Variants in CASC3 observed in about 807,000 individuals in gnomAD.
CASC3 encodes protein CASC3.
In CASC3, 30 loss-of-function variants were observed where a neutral mutation model predicts 80.5. The observed-to-expected ratio is 0.37, with a 90% CI of 0.28 to 0.51. The LOEUF (loss-of-function observed/expected upper bound fraction) is 0.51. Ranked by LOEUF, CASC3 falls within the 20% of genes least tolerant of loss-of-function variation. The probability of loss-of-function intolerance (pLI) is 0.94; values close to 1 mark genes in which losing one functional copy is unlikely to be tolerated. For synonymous variants in CASC3, 312 were observed against 333.6 expected (o/e 0.94, Z 0.70); for missense variants, 824 against 922.2 (o/e 0.89, Z 1.38).
At chr17:40,163,403 G>A (rs1989357025) in intron 6 of CASC3, 78 bp from the exon 7 acceptor site, 1 of 1,236,970 alleles carries the variant, frequency 8.1e-7, no homozygotes, top group Admixed American at 2.2e-5. Context: ...CCAAAGTGCT[G>A]GGATTACAGG....
chr17:40,168,310 A>C lies in CASC3; in HGVS notation c.1858A>C (p.Thr620Pro). 1 of 1,613,958 alleles carries C rather than the reference A, an allele frequency of 6.2e-7. No homozygotes were observed. Among genetic ancestry groups the C allele is most frequent in the South Asian group, 1.1e-5 (1 of 91,050 alleles). The change falls in exon 11 of 14, where the codon ACT becomes CCT. Residue 620 changes from threonine (T) to proline (P), a missense_variant. Physicochemically the swap from Thr to Pro is conservative, Grantham distance 38. Around this residue, in one of 3 missense-constraint regions of CASC3, gnomAD observed 464 missense variants for 506.0 expected, o/e 0.92. Transcript: ENST00000264645. ...QPPPQQLLAPTYFSAPGVMNF... is the reference protein window; with the variant it reads ...QPPPQQLLAPPYFSAPGVMNF... ...ACCACCTCAGCAGTTGCTTGCTCCT[A>C]CTTACTTTTCTGCTCCAGGCGTCAT...
At chr17:40,158,756 T>G (rs1298948469) in intron 3 of CASC3, among the ~76,000 whole-genome samples, 1 of 152,112 alleles carries the variant, frequency 6.6e-6, no homozygotes, top group East Asian at 1.9e-4. Flanking sequence ...TTCTGAAATG[T>G]GATGGTTGTA....
Position 40,170,893 on chromosome 17 carries a change from T to A in CASC3, c.*488T>A. 1.0e-6 allele frequency: 1 copy of A among 985,526 alleles called. No homozygotes were observed. The highest frequency in any genetic ancestry group is 6.1e-5 in the Admixed American group (1 of 16,262). 61.0% of individuals were successfully genotyped at this position (985,526 alleles called of 1,614,324 possible). ...TCTCCCTGCCTTTAAATGAAACAAG[T>A]CTAGTCTTCTGGTTTTCTAGCCCCT... On this transcript the variant is annotated 3_prime_UTR_variant, in exon 14 of 14. Transcript: ENST00000264645.
At chr17:40,144,563 A>G (rs1988804863) in intron 3 of CASC3, among the ~76,000 whole-genome samples, 1 of 150,766 alleles carries the variant, frequency 6.6e-6, no homozygotes, top group African/African-American at 2.4e-5. Context: ...CAGGCTGGTC[A>G]TGAACTCGTG....
chr17:40,166,622 C>T (rs1989455224), intron 7 of CASC3, among the ~76,000 whole-genome samples, 175 bp from the exon 8 acceptor site: 1 of 152,154 alleles, frequency 6.6e-6, no homozygotes, highest in Non-Finnish European at 1.5e-5. Flanking sequence ...ACAGTGGGGA[C>T]AAATTTCTAA....
At chr17:40,162,276 C>T (rs577195963) in intron 5 of CASC3, 123 bp downstream of exon 5, 71 of 1,075,028 alleles carry the variant, frequency 6.6e-5, no homozygotes, top group Admixed American at 5.2e-4. Context: ...TTATCCTTAT[C>T]GTACAAATGA....
At chr17:40,152,488 G>C (rs1598424158) in intron 3 of CASC3, among the ~76,000 whole-genome samples, 2 of 151,698 alleles carry the variant, frequency 1.3e-5, no homozygotes, top group African/African-American at 4.8e-5. Flanking sequence ...AGCCCAGCTA[G>C]TTTTGTATTT....
chr17:40,158,764 G>C (rs1040645978), intron 3 of CASC3, among the ~76,000 whole-genome samples: 9 of 152,124 alleles, frequency 5.9e-5, no homozygotes, highest in African/African-American at 2.2e-4. Flanking sequence ...TGTGATGGTT[G>C]TACAAGTTGT....
At chr17:40,158,634 T>C (rs1989211137) in intron 3 of CASC3, among the ~76,000 whole-genome samples, 1 of 152,198 alleles carries the variant, frequency 6.6e-6, no homozygotes, top group Non-Finnish European at 1.5e-5. Context: ...ATCCTTTGTG[T>C]GTAGACCCAG....
At chr17:40,161,339 CTA>C (rs1303311959) in intron 3 of CASC3, among the ~76,000 whole-genome samples, 1 of 152,050 alleles carries the variant, frequency 6.6e-6, no homozygotes, top group Non-Finnish European at 1.5e-5. Context: ...CTTTTCAGTT[CTA>C]TGTTGTACTA....
rs138248600 is a variant in CASC3 at position 40,162,292 on chromosome 17, G to A, written c.608+139G>A. On this transcript the variant is annotated intron_variant, in intron 5 of 13. Coordinates refer to ENST00000264645, the MANE Select transcript of CASC3 (RefSeq NM_007359.5). ...TATCCTTATCGTACAAATGAGGAAAGTAGGCTTAGAATATTTGGTAACTCT... is the reference window on the plus strand; with the variant it reads ...TATCCTTATCGTACAAATGAGGAAAATAGGCTTAGAATATTTGGTAACTCT... The A allele has an allele frequency of 7.3e-6, 7 of 962,402 alleles. No homozygotes were observed. In the East Asian group the frequency reaches 1.8e-4, roughly 25 times the overall value. 59.6% of individuals were successfully genotyped at this position (962,402 alleles called of 1,614,324 possible).
intron 8 of CASC3, 150 bp from the exon 9 acceptor site, chr17:40,167,348 G>T (rs1598431686): frequency 1.6e-6 from 1 of 608,586 alleles, no homozygotes. Context: ...TTCAAATCTT[G>T]ATATCTTTTC....
rs1348622368 is a variant in CASC3, at chr17:40,163,528, T to G, written c.833T>G (p.Leu278Arg). 1 of 1,613,710 alleles carries G rather than the reference T, an allele frequency of 6.2e-7. No individual in the cohort carries two copies. The highest frequency in any genetic ancestry group is 1.3e-5 in the African/African-American group (1 of 74,890). ...GATCCAAACTGGAACGGTGAGCGGC[T>G]AAACAAGTCTCATCGCCACCAGGGT... Reference protein sequence around the residue: ...QRDPNWNGERLNKSHRHQGLG... With the variant: ...QRDPNWNGERRNKSHRHQGLG... The change falls in exon 7 of 14, where the codon CTA becomes CGA. Residue 278 changes from leucine to arginine, a missense_variant. Leu to Arg is a moderately radical substitution (Grantham distance 102). This residue lies in a region of CASC3 where 201 missense variants were observed against 294.1 expected (regional missense o/e 0.68). Coordinates refer to ENST00000264645, the MANE Select transcript of CASC3 (RefSeq NM_007359.5).
rs1333112336 is a variant in CASC3, at chr17:40,167,645, T to G, written c.1651+33T>G. On this transcript the variant is annotated intron_variant, in intron 9 of 13. Coordinates refer to ENST00000264645, the MANE Select transcript of CASC3 (RefSeq NM_007359.5). ...TTTTCTTACTGTTGGGGTACTTTTC[T>G]TGGCAGGGTGAAGTGAAGTAAGATA... 3 of 1,545,088 alleles carry G rather than the reference T, an allele frequency of 1.9e-6. No homozygotes were observed. In the African/African-American group the frequency reaches 4.1e-5, roughly 21 times the overall value.
intron 7 of CASC3, 22 bp downstream of exon 7, chr17:40,164,188 G>A (rs1181080595): frequency 6.4e-7 from 1 of 1,560,174 alleles, no homozygotes; most frequent in African/African-American, 1.4e-5. Flanking sequence ...AGGATTGGTG[G>A]CTAGCTTTTT....
chr17:40,151,248 G>T (rs1461267870), intron 3 of CASC3, among the ~76,000 whole-genome samples: 1 of 152,042 alleles, frequency 6.6e-6, no homozygotes. Flanking sequence ...GTCTTGCTCT[G>T]TCACCCAGTC....
chr17:40,147,279 C>T (rs1988885304), intron 3 of CASC3, among the ~76,000 whole-genome samples: 1 of 152,098 alleles, frequency 6.6e-6, no homozygotes, highest in Non-Finnish European at 1.5e-5. Context: ...AGATGTGGGA[C>T]AGATTAGAGA....
At chr17:40,158,660 G>T (rs1989212480) in intron 3 of CASC3, among the ~76,000 whole-genome samples, 1 of 152,090 alleles carries the variant, frequency 6.6e-6, no homozygotes, top group Non-Finnish European at 1.5e-5. Flanking sequence ...TCTGTGTCAT[G>T]AACAGTGTTA....
At chr17:40,160,354 G>T (rs1989262239) in intron 3 of CASC3, among the ~76,000 whole-genome samples, 1 of 152,300 alleles carries the variant, frequency 6.6e-6, no homozygotes, top group African/African-American at 2.4e-5. Flanking sequence ...AATCAGCCAG[G>T]TGTGGTGGCA....
Sources: gnomAD v4.1 joint callset for allele counts (sites outside exome capture counted in the v4.1 genomes callset) on GRCh38, gnomAD v4.1.1 for gene constraint, gnomAD v4.1.1 regional missense constraint, MANE v1.5 for transcripts, NCBI Gene and HGNC (gene_info 2026-07-23, HGNC 2026-07-21) for gene names.